Variants in BMPR1B observed in about 807,000 individuals in gnomAD.
The protein encoded by BMPR1B is bone morphogenetic protein receptor type 1B.
A neutral mutation model predicts 59.1 loss-of-function variants in BMPR1B; 12 were observed. The observed-to-expected ratio is 0.20, with a 90% CI of 0.13 to 0.33. The LOEUF (loss-of-function observed/expected upper bound fraction) is 0.33, where lower values mean the gene tolerates loss of function less well. Ranked by LOEUF, BMPR1B falls within the 10% of genes least tolerant of loss-of-function variation. BMPR1B has a pLI of 1.00. For synonymous variants in BMPR1B, 237 were observed against 207.3 expected (o/e 1.14, Z -1.23); for missense variants, 550 against 610.9 (o/e 0.90, Z 1.05).
chr4:94,799,433 A>T (rs1268614189), intron 1 of BMPR1B, among the ~76,000 whole-genome samples: 2 of 150,256 alleles, frequency 1.3e-5, no homozygotes, highest in African/African-American at 2.5e-5. Flanking sequence ...CCTCCCAAGT[A>T]GCTGAGACTA....
intron 2 of BMPR1B, among the ~76,000 whole-genome samples, chr4:94,963,826 G>A (rs1240563440): frequency 2.0e-5 from 3 of 151,974 alleles, no homozygotes; most frequent in Admixed American, 2.0e-4. Context: ...GTCTTTTGTG[G>A]TTCCATGTAA....
At chr4:95,151,530 A>G (rs1233994650) in intron 11 of BMPR1B, among the ~76,000 whole-genome samples, 2 of 152,192 alleles carry the variant, frequency 1.3e-5, no homozygotes, top group Non-Finnish European at 2.9e-5. Flanking sequence ...AACATAGATA[A>G]TACATATAAT....
At chr4:94,966,177 T>A (rs1170852466) in intron 2 of BMPR1B, among the ~76,000 whole-genome samples, 2 of 152,176 alleles carry the variant, frequency 1.3e-5, no homozygotes, top group Admixed American at 6.5e-5. Context: ...CTTAGTACTG[T>A]GTTGTTTCTG....
intron 3 of BMPR1B, among the ~76,000 whole-genome samples, chr4:95,010,147 G>A (rs1181815183): frequency 1.3e-5 from 2 of 152,134 alleles, no homozygotes; most frequent in African/African-American, 4.8e-5. Flanking sequence ...GAAGACATAG[G>A]AGGGGCCCGT....
At chr4:94,861,462 G>A (rs944398272) in intron 1 of BMPR1B, among the ~76,000 whole-genome samples, 3 of 152,034 alleles carry the variant, frequency 2.0e-5, no homozygotes, top group African/African-American at 7.2e-5. Context: ...TCTTCCTTTG[G>A]TGTATTCCAT....
chr4:94,971,727 T>G (rs1193609915), intron 2 of BMPR1B, among the ~76,000 whole-genome samples: 1 of 151,976 alleles, frequency 6.6e-6, no homozygotes, highest in African/African-American at 2.4e-5. Flanking sequence ...AAGATTAATC[T>G]AAATTTTATT....
intron 3 of BMPR1B, among the ~76,000 whole-genome samples, chr4:95,078,108 A>G (rs967271286): frequency 6.6e-6 from 1 of 152,204 alleles, no homozygotes; most frequent in African/African-American, 2.4e-5. Flanking sequence ...AACCATGACT[A>G]TGGAATTTCC....
At chr4:94,920,049 G>A (rs1346060168) in intron 2 of BMPR1B, among the ~76,000 whole-genome samples, 3 of 151,940 alleles carry the variant, frequency 2.0e-5, no homozygotes, top group East Asian at 1.9e-4. Context: ...AGTTTTCGTT[G>A]TCTGGGTTCA....
chr4:94,904,945 T>A lies in BMPR1B; in HGVS notation c.-113+29045T>A, dbSNP rs564404311. On this transcript the variant is annotated intron_variant, in intron 2 of 12. Coordinates refer to ENST00000515059, the MANE Select transcript of BMPR1B (RefSeq NM_001203.3). ...TTTTATGAAATGGTCTGCCCTAAATTTTAAGGATTCTCTTTTCAATAACTC... is the reference window on the plus strand; with the variant it reads ...TTTTATGAAATGGTCTGCCCTAAATATTAAGGATTCTCTTTTCAATAACTC... Among the ~76,000 whole-genome samples, 7 of 152,186 alleles carry A rather than the reference T, an allele frequency of 4.6e-5. No individual in the cohort carries two copies. The South Asian group carries it at 1.5e-3, about 32-fold the overall frequency.
intron 2 of BMPR1B, among the ~76,000 whole-genome samples, chr4:94,985,416 G>T (rs890656743): frequency 6.6e-6 from 1 of 152,068 alleles, no homozygotes; most frequent in Non-Finnish European, 1.5e-5. Flanking sequence ...ATTGGAAATA[G>T]GGGAGAGCAG....
chr4:95,037,264 G>A (rs1725325836), intron 3 of BMPR1B, among the ~76,000 whole-genome samples: 1 of 152,150 alleles, frequency 6.6e-6, no homozygotes, highest in African/African-American at 2.4e-5. Flanking sequence ...GGAGCTGGGG[G>A]AGGTATTTGA....
At chr4:94,976,731 A>G (rs569852148) in intron 2 of BMPR1B, among the ~76,000 whole-genome samples, 2 of 152,218 alleles carry the variant, frequency 1.3e-5, no homozygotes, top group Non-Finnish European at 2.9e-5. Context: ...TGGGGCAAGC[A>G]TAGGAAAATT....
At chr4:95,069,137 G>A (rs1728081169) in intron 3 of BMPR1B, among the ~76,000 whole-genome samples, 1 of 152,140 alleles carries the variant, frequency 6.6e-6, no homozygotes, top group East Asian at 1.9e-4. Context: ...CATTAAGTGA[G>A]GACTTATTAT....
chr4:94,773,049 A>G (rs1285863132), intron 1 of BMPR1B, among the ~76,000 whole-genome samples: 1 of 152,140 alleles, frequency 6.6e-6, no homozygotes, highest in Non-Finnish European at 1.5e-5. Context: ...TTTTCATCAC[A>G]GTAATGGATG....
chr4:94,971,653 A>G (rs1164132476), intron 2 of BMPR1B, among the ~76,000 whole-genome samples: 1 of 151,868 alleles, frequency 6.6e-6, no homozygotes, highest in Non-Finnish European at 1.5e-5. Context: ...TTACTAGAAT[A>G]TTTAAGATTT....
At chr4:94,814,285 A>G (rs1234740858) in intron 1 of BMPR1B, among the ~76,000 whole-genome samples, 3 of 152,248 alleles carry the variant, frequency 2.0e-5, no homozygotes, top group Non-Finnish European at 2.9e-5. Context: ...TAACTTGGAA[A>G]GGAAAACTTA....
intron 1 of BMPR1B, among the ~76,000 whole-genome samples, chr4:94,784,003 A>C (rs530218419): frequency 4.6e-5 from 7 of 152,272 alleles, no homozygotes; most frequent in Admixed American, 2.6e-4. Context: ...TGTTATGCTC[A>C]GAGACCATAG....
chr4:95,127,711 C>G (rs549207261), intron 8 of BMPR1B, among the ~76,000 whole-genome samples: 1 of 152,032 alleles, frequency 6.6e-6, no homozygotes, highest in Non-Finnish European at 1.5e-5. Flanking sequence ...GCACAGGGCT[C>G]CTAAAGAGAG....
intron 2 of BMPR1B, among the ~76,000 whole-genome samples, chr4:94,909,253 CTA>C (rs1247305678): frequency 6.6e-6 from 1 of 152,026 alleles, no homozygotes; most frequent in Non-Finnish European, 1.5e-5. Flanking sequence ...AGAGAAGACT[CTA>C]TTTCCTGTGT....
Sources: gnomAD v4.1 joint callset for allele counts (sites outside exome capture counted in the v4.1 genomes callset) on GRCh38, gnomAD v4.1.1 for gene constraint, MANE v1.5 for transcripts, NCBI Gene and HGNC (gene_info 2026-07-23, HGNC 2026-07-21) for gene names.